The following TMEM217 variants were observed in gnomAD, a reference collection of about 807,000 sequenced individuals.
The protein encoded by TMEM217 is transmembrane protein 217, also known as chromosome 6 open reading frame 128.
For synonymous variants in TMEM217, 76 were observed against 88.3 expected (o/e 0.86, Z 0.78); for missense variants, 204 against 248.8 (o/e 0.82, Z 1.21).
chr6:37,253,880 G>C (rs985209016), intron 1 of TMEM217, among the ~76,000 whole-genome samples: 16 of 151,950 alleles, frequency 1.1e-4, no homozygotes, highest in Admixed American at 6.6e-5. Flanking sequence ...TTTCTCTAAG[G>C]GTTGGGATAT....
At chr6:37,233,218 TC>T (rs963284166) in intron 1 of TMEM217, among the ~76,000 whole-genome samples, 56 of 152,124 alleles carry the variant, frequency 3.7e-4, no homozygotes, top group African/African-American at 1.3e-3. Flanking sequence ...TCTACCCATT[TC>T]CCCATGTACC....
exon 2 of TMEM217, chr6:37,217,985 AT>A (rs1763307022): frequency 1.0e-6 from 1 of 989,496 alleles, no homozygotes; most frequent in African/African-American, 1.7e-5. Flanking sequence ...GGTTGTGATT[AT>A]AATCACATTT....
intron 1 of TMEM217, among the ~76,000 whole-genome samples, chr6:37,254,791 C>G (rs1002976261): frequency 6.6e-6 from 1 of 152,174 alleles, no homozygotes; most frequent in African/African-American, 2.4e-5. Context: ...TTCACGATCT[C>G]TAGGGCAGTA....
chr6:37,228,241 AAAAG>A (rs1263989121), intron 1 of TMEM217, among the ~76,000 whole-genome samples: 8 of 152,194 alleles, frequency 5.3e-5, no homozygotes, highest in African/African-American at 1.9e-4. Flanking sequence ...AAAAAGAAAA[AAAAG>A]AAAGAAAAAG....
chr6:37,239,519 T>C (rs2113881476), intron 1 of TMEM217, among the ~76,000 whole-genome samples: 1 of 151,934 alleles, frequency 6.6e-6, no homozygotes, highest in Non-Finnish European at 1.5e-5. Context: ...TAAATAAAAT[T>C]CTAAGATATG....
chr6:37,231,542 G>A (rs1308495647), intron 1 of TMEM217, among the ~76,000 whole-genome samples: 7 of 149,956 alleles, frequency 4.7e-5, no homozygotes, highest in African/African-American at 7.3e-5. Flanking sequence ...TCATGGTGGC[G>A]TGCACCTGTA....
chr6:37,216,020 TGTGTGTGTGTGTGA>T (rs1249052447), downstream of TMEM217, among the ~76,000 whole-genome samples: 1 of 80,932 alleles, frequency 1.2e-5, no homozygotes, highest in East Asian at 5.1e-4. Flanking sequence ...TGTGTGTGTG[TGTGTGTGTGTGTGA>T]GAAACAGATA....
At chr6:37,249,301 C>T (rs1177391877) in intron 1 of TMEM217, among the ~76,000 whole-genome samples, 2 of 151,822 alleles carry the variant, frequency 1.3e-5, no homozygotes, top group African/African-American at 2.4e-5. Context: ...TATTTCTTTT[C>T]ATTCTTCTTC....
chr6:37,256,487 T>A (rs1765740736), intron 1 of TMEM217, among the ~76,000 whole-genome samples: 1 of 152,206 alleles, frequency 6.6e-6, no homozygotes, highest in East Asian at 1.9e-4. Flanking sequence ...AGGGGCTTTT[T>A]TTCTCTGGGT....
At chr6:37,218,201 A>C in exon 2 of TMEM217, 1 of 1,241,678 alleles carries the variant, frequency 8.1e-7, no homozygotes, top group Non-Finnish European at 1.0e-6. Context: ...ACAGAGTCTT[A>C]CTCTGTCACT....
chr6:37,243,208 A>C (rs1182796081), intron 1 of TMEM217, among the ~76,000 whole-genome samples: 1 of 152,238 alleles, frequency 6.6e-6, no homozygotes, highest in African/African-American at 2.4e-5. Context: ...TTAATTTGGC[A>C]AGGGCTATTA....
At chr6:37,245,457 C>G (rs1406060269) in intron 1 of TMEM217, among the ~76,000 whole-genome samples, 1 of 152,230 alleles carries the variant, frequency 6.6e-6, no homozygotes, top group Non-Finnish European at 1.5e-5. Context: ...CCTCCCGATT[C>G]GAAGTCTAGA....
chr6:37,250,993 T>C (rs1765368928), intron 1 of TMEM217, among the ~76,000 whole-genome samples: 1 of 151,480 alleles, frequency 6.6e-6, no homozygotes, highest in Non-Finnish European at 1.5e-5. Flanking sequence ...ACTGCCCTTT[T>C]AAGAGGGGCT....
At chr6:37,212,293 A>G (rs1259638592) in exon 4 of TMEM217, 18 of 351,618 alleles carry the variant, frequency 5.1e-5, no homozygotes, top group Admixed American at 1.6e-4. Flanking sequence ...ATCATTCCTC[A>G]GTGCGTAAAA....
intron 1 of TMEM217, among the ~76,000 whole-genome samples, chr6:37,233,661 A>AT (rs1288045855): frequency 6.6e-6 from 1 of 152,220 alleles, no homozygotes; most frequent in Non-Finnish European, 1.5e-5. Flanking sequence ...GGACATATAC[A>AT]TTCTAACCGT....
At chr6:37,228,686 A>C (rs944700592) in intron 1 of TMEM217, among the ~76,000 whole-genome samples, 8 of 152,194 alleles carry the variant, frequency 5.3e-5, no homozygotes, top group African/African-American at 1.9e-4. Context: ...CTTGGGCGAC[A>C]GAGCAAGATT....
At chr6:37,215,532 C>T (rs535275300), downstream of TMEM217, among the ~76,000 whole-genome samples, 82 of 118,252 alleles carry the variant, frequency 6.9e-4, no homozygotes, top group African/African-American at 2.6e-3. Flanking sequence ...TATCACACCA[C>T]TGTACTCCAG....
chr6:37,227,434 C>T (rs771107135), intron 1 of TMEM217, among the ~76,000 whole-genome samples: 11 of 152,128 alleles, frequency 7.2e-5, no homozygotes, highest in African/African-American at 2.4e-5. Context: ...TTGCTCTAAG[C>T]GAAGGTTTTT....
At chr6:37,219,164 A>C (rs1387550706) in intron 1 of TMEM217, 123 bp from the exon 2 acceptor site, 1 of 847,586 alleles carries the variant, frequency 1.2e-6, no homozygotes. Context: ...GAAAACTGGG[A>C]AACTATAGCC....
Sources: gnomAD v4.1 joint callset for allele counts (sites outside exome capture counted in the v4.1 genomes callset) on GRCh38, gnomAD v4.1.1 for gene constraint, MANE v1.5 for transcripts, NCBI Gene and HGNC (gene_info 2026-07-23, HGNC 2026-07-21) for gene names.